Variants in SLC24A2 observed in about 807,000 individuals in gnomAD.
SLC24A2 encodes sodium/potassium/calcium exchanger 2.
A neutral mutation model predicts 62.0 loss-of-function variants in SLC24A2; 36 were observed. The ratio of observed to expected loss-of-function variants is 0.58; its 90% CI spans 0.44 to 0.77. The LOEUF is 0.77. Among genes scored for constraint, SLC24A2 ranks in the 30% least tolerant of loss-of-function variants. SLC24A2 has a pLI of 0.00. For synonymous variants in SLC24A2, 358 were observed against 294.0 expected, an observed-to-expected ratio of 1.22 and a Z score of -2.23; for missense variants, 846 against 817.9, an observed-to-expected ratio of 1.03 and a Z score of -0.42.
the SLC24A2 span, among the ~76,000 whole-genome samples, chr9:20,168,424 C>A: frequency 2.0e-5 from 3 of 151,392 alleles, no homozygotes; most frequent in African/African-American, 7.3e-5. Context: ...AAAAAGATAA[C>A]CTACAGAATG....
chr9:20,103,107 T>A, the SLC24A2 span, among the ~76,000 whole-genome samples: 1 of 152,124 alleles, frequency 6.6e-6, no homozygotes, highest in Admixed American at 6.6e-5. Context: ...AGCAAAGCAG[T>A]CTGAGATCAA....
At chr9:20,069,718 C>T in the SLC24A2 span, among the ~76,000 whole-genome samples, 20 of 152,160 alleles carry the variant, frequency 1.3e-4, no homozygotes, top group South Asian at 4.1e-4. Flanking sequence ...TTTATAGAAA[C>T]GGCACTATGC....
the SLC24A2 span, among the ~76,000 whole-genome samples, chr9:19,872,673 C>G: frequency 1.7e-3 from 252 of 152,260 alleles, 2 homozygotes; most frequent in African/African-American, 5.9e-3. Flanking sequence ...GCGGTAGGGC[C>G]TAGTACAAGT....
chr9:19,617,719 AG>A (rs1256460641), intron 4 of SLC24A2, among the ~76,000 whole-genome samples: 1 of 152,184 alleles, frequency 6.6e-6, no homozygotes, highest in Admixed American at 6.5e-5. Flanking sequence ...CCTGACTTTG[AG>A]GGGGGCTCCT....
the SLC24A2 span, among the ~76,000 whole-genome samples, chr9:20,272,367 C>T: frequency 1.3e-5 from 2 of 152,114 alleles, no homozygotes; most frequent in African/African-American, 2.4e-5. Flanking sequence ...TAGTTCGACC[C>T]GTCCCTTAAT....
chr9:19,738,264 A>G (rs985605334), intron 2 of SLC24A2, among the ~76,000 whole-genome samples: 2 of 152,212 alleles, frequency 1.3e-5, no homozygotes, highest in Non-Finnish European at 2.9e-5. Context: ...AGCACAACTT[A>G]TAAACTTTCA....
chr9:19,964,913 C>T, the SLC24A2 span, among the ~76,000 whole-genome samples: 2 of 152,116 alleles, frequency 1.3e-5, no homozygotes, highest in South Asian at 2.1e-4. Context: ...AGCAACGAGA[C>T]GGGACACGGT....
chr9:19,679,157 G>C (rs1297850387), intron 2 of SLC24A2, among the ~76,000 whole-genome samples: 2 of 152,114 alleles, frequency 1.3e-5, no homozygotes, highest in Non-Finnish European at 2.9e-5. Context: ...GCCAGCTTGT[G>C]GCAGGTTTTT....
At chr9:20,257,846 C>T in the SLC24A2 span, among the ~76,000 whole-genome samples, 2 of 152,316 alleles carry the variant, frequency 1.3e-5, no homozygotes, top group Non-Finnish European at 2.9e-5. Context: ...AACGAGTGGG[C>T]TCACTGGCTT....
chr9:20,237,072 G>T, the SLC24A2 span, among the ~76,000 whole-genome samples: 1 of 152,206 alleles, frequency 6.6e-6, no homozygotes, highest in South Asian at 2.1e-4. Flanking sequence ...ACTCAAAAGA[G>T]CATCTAATCT....
At chr9:19,590,808 A>ATTAAG (rs1049273580) in intron 5 of SLC24A2, among the ~76,000 whole-genome samples, 3 of 152,156 alleles carry the variant, frequency 2.0e-5, no homozygotes, top group Admixed American at 2.0e-4. Context: ...CCAATTTGAT[A>ATTAAG]TTAAGTTTTT....
the SLC24A2 span, among the ~76,000 whole-genome samples, chr9:20,274,517 A>T: frequency 2.1e-3 from 323 of 151,898 alleles, 1 homozygote; most frequent in African/African-American, 7.5e-3. Context: ...AAAGAGGAGG[A>T]ACTATTGTCA....
At chr9:19,669,632 C>T (rs969281267) in intron 2 of SLC24A2, among the ~76,000 whole-genome samples, 17 of 152,302 alleles carry the variant, frequency 1.1e-4, no homozygotes, top group African/African-American at 3.8e-4. Flanking sequence ...TTCCCAGCTT[C>T]TAGGGGTTAC....
At chr9:19,561,007 C>A (rs1307138582) in intron 7 of SLC24A2, among the ~76,000 whole-genome samples, 1 of 151,888 alleles carries the variant, frequency 6.6e-6, no homozygotes, top group Non-Finnish European at 1.5e-5. Context: ...CTCACTGCAA[C>A]CTCCGCCTCC....
the SLC24A2 span, among the ~76,000 whole-genome samples, chr9:20,297,753 T>A: frequency 1.3e-5 from 2 of 152,238 alleles, no homozygotes; most frequent in African/African-American, 4.8e-5. Flanking sequence ...CACAGCAGAC[T>A]TTGATGGCCC....
chr9:19,958,410 C>T, the SLC24A2 span, among the ~76,000 whole-genome samples: 1 of 152,190 alleles, frequency 6.6e-6, no homozygotes, highest in South Asian at 2.1e-4. Context: ...TGTTTCTTTG[C>T]CACCATGGGG....
the SLC24A2 span, among the ~76,000 whole-genome samples, chr9:19,795,556 C>A: frequency 3.3e-5 from 5 of 152,238 alleles, no homozygotes; most frequent in African/African-American, 9.6e-5. Context: ...AAGGTTTTAG[C>A]TGTTTTGTTT....
At chr9:19,643,289 T>C (rs1024343408) in intron 2 of SLC24A2, among the ~76,000 whole-genome samples, 2 of 152,210 alleles carry the variant, frequency 1.3e-5, no homozygotes, top group Admixed American at 1.3e-4. Flanking sequence ...CTGAACTATC[T>C]GCAGAGATCA....
At chr9:20,032,004 G>A in the SLC24A2 span, among the ~76,000 whole-genome samples, 63 of 152,186 alleles carry the variant, frequency 4.1e-4, no homozygotes, top group Admixed American at 1.3e-3. Flanking sequence ...GATCTTATGA[G>A]TCAGTGTCTG....
Sources: allele counts gnomAD v4.1 joint callset (sites outside exome capture counted in the v4.1 genomes callset), GRCh38; gene constraint gnomAD v4.1.1; transcripts MANE v1.5; gene names NCBI Gene and HGNC (gene_info 2026-07-23, HGNC 2026-07-21).